The following BCAR3 variants were observed in gnomAD, a reference collection of about 807,000 sequenced individuals.
BCAR3 encodes BCAR3 adaptor protein, NSP family member.
In BCAR3, 37 loss-of-function variants were observed where a neutral mutation model predicts 80.1. That is an observed-to-expected ratio of 0.46 (90% CI 0.36 to 0.61). The LOEUF (loss-of-function observed/expected upper bound fraction) is 0.61, where lower values mean the gene tolerates loss of function less well. Among genes scored for constraint, BCAR3 ranks in the 20% least tolerant of loss-of-function variants. BCAR3 has a pLI of 0.00. For missense variants in BCAR3, 978 were observed against 1,068.2 expected, an observed-to-expected ratio of 0.92 and a Z score of 1.18; for synonymous variants, 389 against 418.9, an observed-to-expected ratio of 0.93 and a Z score of 0.87.
At chr1:93,740,927 G>C (rs1651153809) in intron 2 of BCAR3, among the ~76,000 whole-genome samples, 1 of 152,204 alleles carries the variant, frequency 6.6e-6, no homozygotes, top group South Asian at 2.1e-4. Context: ...TCAGCCCTTA[G>C]ATGCAAGCGC....
rs376416705 is a variant in BCAR3 at position 93,651,326 on chromosome 1, G to A, written c.318-8983C>T. Among the ~76,000 whole-genome samples the A allele has an allele frequency of 8.5e-5, 13 of 152,302 alleles. No homozygotes were observed. In the South Asian group the frequency reaches 2.7e-3, roughly 32 times the overall value. The stretch of plus-strand genomic sequence containing the variant: ...CCAAAAACTACACCATCTGAAAATG[G>A]GATGAACTGCCTTCCAAGATGGGTG... On this transcript the variant is annotated intron_variant, in intron 2 of 11. Coordinates refer to ENST00000260502, the MANE Select transcript of BCAR3 (RefSeq NM_003567.4).
At chr1:93,730,977 T>C (rs995593884) in intron 2 of BCAR3, among the ~76,000 whole-genome samples, 2 of 152,306 alleles carry the variant, frequency 1.3e-5, no homozygotes, top group African/African-American at 4.8e-5. Context: ...CTTGGTACAT[T>C]GTGATGAGAA....
chr1:93,622,555 C>T (rs1459990041), intron 3 of BCAR3, among the ~76,000 whole-genome samples: 1 of 152,162 alleles, frequency 6.6e-6, no homozygotes, highest in Non-Finnish European at 1.5e-5. Flanking sequence ...GAGATGGATG[C>T]TGACATCAGA....
Position 93,714,471 on chromosome 1 carries a change from A to C in BCAR3, c.-62-8329T>G, listed in dbSNP as rs1298588942. Among the ~76,000 whole-genome samples, 3 of 152,194 alleles carry C rather than the reference A, an allele frequency of 2.0e-5. No homozygotes were observed. In the East Asian group the frequency reaches 5.8e-4, roughly 29 times the overall value. On this transcript the variant is annotated intron_variant, in intron 2 of 13. Coordinates refer to the BCAR3 transcript ENST00000370244. The stretch of plus-strand genomic sequence containing the variant: ...ATTCCCTGAAGGGACACAAAACCAC[A>C]GAAATGTGCTCCTAGGCTAGGTCCA...
At chr1:93,830,924 C>G (rs569277730) in intron 2 of BCAR3, among the ~76,000 whole-genome samples, 1 of 152,326 alleles carries the variant, frequency 6.6e-6, no homozygotes, top group South Asian at 2.1e-4. Flanking sequence ...TCCAGCCTCT[C>G]TTGCTACCCT....
At chr1:93,614,296 A>C (rs1675038293) in intron 3 of BCAR3, among the ~76,000 whole-genome samples, 1 of 152,078 alleles carries the variant, frequency 6.6e-6, no homozygotes, top group Non-Finnish European at 1.5e-5. Context: ...AATCATTAGC[A>C]GCCCCTCTCC....
intron 11 of BCAR3, among the ~76,000 whole-genome samples, chr1:93,566,883 A>G (rs996194080): frequency 1.3e-5 from 2 of 151,810 alleles, no homozygotes; most frequent in Non-Finnish European, 1.5e-5. Flanking sequence ...ACACACCATC[A>G]CGCCCAGCTA....
chr1:93,766,972 C>T (rs926479375), intron 2 of BCAR3, among the ~76,000 whole-genome samples: 6 of 152,066 alleles, frequency 3.9e-5, no homozygotes, highest in African/African-American at 1.4e-4. Context: ...TTATATAGCT[C>T]TGAGGGTGGG....
At chr1:93,581,003 A>C (rs1673682858) in intron 7 of BCAR3, among the ~76,000 whole-genome samples, 1 of 152,168 alleles carries the variant, frequency 6.6e-6, no homozygotes, top group Admixed American at 6.5e-5. Flanking sequence ...TCTACAAAAA[A>C]TACAAAGAGT....
intron 2 of BCAR3, among the ~76,000 whole-genome samples, chr1:93,826,054 A>C (rs1654362249): frequency 6.6e-6 from 1 of 152,238 alleles, no homozygotes; most frequent in Admixed American, 6.5e-5. Flanking sequence ...GAATGAGAGA[A>C]GGGAAGACAG....
At chr1:93,575,787 C>T (rs1673430327) in intron 8 of BCAR3, among the ~76,000 whole-genome samples, 2 of 152,194 alleles carry the variant, frequency 1.3e-5, no homozygotes, top group Non-Finnish European at 2.9e-5. Flanking sequence ...CCTCCAGGAG[C>T]AGGGACGGGA....
At chr1:93,808,133 GT>G (rs1235241013) in intron 2 of BCAR3, among the ~76,000 whole-genome samples, 1 of 151,752 alleles carries the variant, frequency 6.6e-6, no homozygotes, top group Non-Finnish European at 1.5e-5. Flanking sequence ...AGAAAGGGAG[GT>G]GGAGAAGATC....
chr1:93,782,330 G>T (rs1411859969), intron 2 of BCAR3, among the ~76,000 whole-genome samples: 2 of 152,128 alleles, frequency 1.3e-5, no homozygotes, highest in Non-Finnish European at 2.9e-5. Context: ...CCCCATTTTT[G>T]ATTTTAGCCC....
intron 2 of BCAR3, among the ~76,000 whole-genome samples, chr1:93,806,491 A>G (rs1653657993): frequency 6.6e-6 from 1 of 152,234 alleles, no homozygotes; most frequent in Non-Finnish European, 1.5e-5. Context: ...CTGTCCTCAG[A>G]AGCACAGATG....
chr1:93,672,906 C>T (rs536738733), intron 2 of BCAR3, among the ~76,000 whole-genome samples: 106 of 152,288 alleles, frequency 7.0e-4, no homozygotes, highest in African/African-American at 2.4e-3. Context: ...TAGCTTTGCA[C>T]CAACACCAAC....
chr1:93,786,915 TTCC>T (rs1652969593), intron 2 of BCAR3, among the ~76,000 whole-genome samples: 1 of 152,182 alleles, frequency 6.6e-6, no homozygotes, highest in South Asian at 2.1e-4. Flanking sequence ...TGGGCCAATG[TTCC>T]TCCAACTGTG....
chr1:93,585,287 G>A (rs1673897111), intron 5 of BCAR3: 2 of 819,872 alleles, frequency 2.4e-6, no homozygotes, highest in Non-Finnish European at 2.9e-6. Context: ...AAGGACACTG[G>A]GGCAGGGCAG....
chr1:93,592,890 G>T lies in BCAR3; in HGVS notation c.358-497C>A, dbSNP rs1674269144. On this transcript the variant is annotated intron_variant, in intron 3 of 11. Coordinates refer to ENST00000260502, the MANE Select transcript of BCAR3 (RefSeq NM_003567.4). This position sits in a 1 kb window ranked among gnomAD's most constrained non-coding sequence, Gnocchi z 4.8. ...TTGCTGTTGGTAAACTCATGTTCAG[G>T]AATTGAGTCAGTCTTTAGAAACTTT... Among the ~76,000 whole-genome samples, 2 of 152,332 alleles carry T rather than the reference G, an allele frequency of 1.3e-5. No homozygotes were observed. Among genetic ancestry groups the T allele is most frequent in the South Asian group, 2.1e-4 (1 of 4,828 alleles).
At chr1:93,831,641 G>A (rs1654570855) in intron 2 of BCAR3, among the ~76,000 whole-genome samples, 2 of 151,996 alleles carry the variant, frequency 1.3e-5, no homozygotes, top group Non-Finnish European at 1.5e-5. Flanking sequence ...TCCACCCCAA[G>A]CTCTGACTCC....
Sources: allele counts gnomAD v4.1 joint callset (sites outside exome capture counted in the v4.1 genomes callset), GRCh38; gene constraint gnomAD v4.1.1; non-coding constraint Gnocchi (gnomAD v3.1); transcripts MANE v1.5; gene names NCBI Gene and HGNC (gene_info 2026-07-23, HGNC 2026-07-21).